Variants in KIF7 observed in about 807,000 individuals in gnomAD.
The protein encoded by KIF7 is kinesin family member 7, also known as kinesin-like protein KIF7.
A neutral mutation model predicts 135.7 loss-of-function variants in KIF7; 104 were observed. The observed-to-expected ratio is 0.77, with a 90% CI of 0.65 to 0.90. The LOEUF (loss-of-function observed/expected upper bound fraction) is 0.90, where lower values mean the gene tolerates loss of function less well. Ranked by LOEUF, KIF7 falls within the 40% of genes least tolerant of loss-of-function variation. KIF7 has a pLI of 0.00. For synonymous variants in KIF7, 883 were observed against 809.4 expected (o/e 1.09, Z -1.54); for missense variants, 2,005 against 1,839.1 (o/e 1.09, Z -1.65).
chr15:89,624,831 C>A (rs777741499), downstream of KIF7: 3 of 1,614,028 alleles, frequency 1.9e-6, no homozygotes, highest in Non-Finnish European at 2.5e-6. Flanking sequence ...CTGGGATTCC[C>A]CCATCTCCTC....
upstream of KIF7, among the ~76,000 whole-genome samples, chr15:89,656,618 G>C (rs1437794104): frequency 6.6e-6 from 1 of 152,130 alleles, no homozygotes; most frequent in Non-Finnish European, 1.5e-5. Context: ...CCACATCCTC[G>C]AAGCTTCATA....
intron 8 of KIF7, 148 bp downstream of exon 8, chr15:89,645,745 C>A (rs1964000567): frequency 1.7e-6 from 2 of 1,147,746 alleles, no homozygotes; most frequent in Non-Finnish European, 2.4e-6. Flanking sequence ...AGCTCTCCCC[C>A]AGGGGCTGGC....
intron 1 of KIF7, among the ~76,000 whole-genome samples, chr15:89,618,622 C>T (rs753958025): frequency 1.1e-4 from 17 of 152,202 alleles, no homozygotes; most frequent in Non-Finnish European, 1.8e-4. Context: ...GTGCCCCCAA[C>T]ACACAGTGCC....
chr15:89,647,208 G>A (rs1964030415), intron 6 of KIF7, 151 bp from the exon 7 acceptor site: 1 of 719,994 alleles, frequency 1.4e-6, no homozygotes, highest in South Asian at 1.6e-5. Context: ...CAACTCTGTA[G>A]GAGTTCAGAC....
At position 89,648,562 on chromosome 15, in the gene KIF7, C is replaced by G. The variant is rs1414086463; in HGVS notation, c.1136G>C (p.Arg379Pro). The change falls in exon 5 of 19, where the codon CGC becomes CCC. Residue 379 changes from arginine to proline, a missense_variant. Coordinates refer to ENST00000394412, the MANE Select transcript of KIF7 (RefSeq NM_198525.3). ...ASGARGPPRH[R>P]SETRIIHRGR... Reference sequence around the variant, plus strand: ...GCGGTGGATGATGCGGGTCTCGGAGCGGTGCCGTGGCGGACCCCGCGCGCC... The same window carrying G: ...GCGGTGGATGATGCGGGTCTCGGAGGGGTGCCGTGGCGGACCCCGCGCGCC... 1 of 1,447,926 alleles carries G rather than the reference C, an allele frequency of 6.9e-7. No individual in the cohort carries two copies. The highest frequency in any genetic ancestry group is 9.1e-7 in the Non-Finnish European group (1 of 1,101,120). 89.7% of individuals were successfully genotyped at this position (1,447,926 alleles called of 1,614,324 possible). A position where few individuals can be genotyped will look rare whatever the true frequency, so the allele number is the denominator to read the frequency against.
chr15:89,656,039 A>G (rs1964203324), upstream of KIF7, among the ~76,000 whole-genome samples: 1 of 152,178 alleles, frequency 6.6e-6, no homozygotes, highest in Non-Finnish European at 1.5e-5. Context: ...TGAATTTTAA[A>G]ATCTGAAAAC....
In KIF7 at chr15:89,631,558, C is replaced by T. The variant is rs9672286; in HGVS notation, c.3048G>A (p.Ser1016=). The T allele has an allele frequency of 0.56, 879,096 of 1,573,864 alleles. 248,856 individuals carry two copies. Among genetic ancestry groups the T allele is most frequent in the Non-Finnish European group, 0.58 (676,381 of 1,158,546 alleles). Reference sequence around the variant, plus strand: ...CGATCTCCAGGCGCTGCTTGAGCAGCGAGTCCTTCTCCTGGCGCAGGCTGT... The same window carrying T: ...CGATCTCCAGGCGCTGCTTGAGCAGTGAGTCCTTCTCCTGGCGCAGGCTGT... ...EIDSLRQEKD[S]LLKQRLEIDG... Residue 1016 remains serine (S), a synonymous_variant, in exon 15 of 19, where the codon TCG becomes TCA. Transcript: ENST00000394412.
Position 89,633,171 on chromosome 15 carries a change from G to A in KIF7, c.2688C>T (p.Asn896=), listed in dbSNP as rs779076505. 38 of 1,604,034 alleles carry A rather than the reference G, an allele frequency of 2.4e-5. No homozygotes were observed. The highest frequency in any genetic ancestry group is 1.6e-4 in the East Asian group (7 of 44,828). ...GCTGTTCCAGGCTGACCACAGAGCC[G>A]TTGCTGCCACTGCGCCTCTTCCTCT... ...AFQRKRRSGS[N]GSVVSLEQQQ... The change falls in exon 13 of 19, where the codon AAC becomes AAT. Residue 896 remains asparagine (N), a synonymous_variant. Transcript: ENST00000394412.
At chr15:89,655,495 ACCAGCCCCCCCCTCACC>A (rs1376997083), upstream of KIF7, 2 of 149,448 alleles carry the variant, frequency 1.3e-5, no homozygotes, top group Non-Finnish European at 3.0e-5. Flanking sequence ...CGCCCCCCAA[ACCAGCCCCCCCCTCACC>A]CGCAACTCCG....
intron 1 of KIF7, among the ~76,000 whole-genome samples, chr15:89,653,659 C>A (rs1964159743): frequency 6.6e-6 from 1 of 152,174 alleles, no homozygotes; most frequent in Non-Finnish European, 1.5e-5. Flanking sequence ...CTTACTGTAG[C>A]CAAGGCTTCC....
chr15:89,646,094 C>A, intron 7 of KIF7, 68 bp from the exon 8 acceptor site: 1 of 1,582,910 alleles, frequency 6.3e-7, no homozygotes. Context: ...TGCCTGCCCT[C>A]CTCATATCTC....
upstream of KIF7, among the ~76,000 whole-genome samples, chr15:89,657,328 A>AAAAAAAG (rs533315174): frequency 3.5e-4 from 45 of 127,934 alleles, no homozygotes; most frequent in African/African-American, 5.9e-4. Flanking sequence ...AAAAAAAAAA[A>AAAAAAAG]AGAGAGAGAG....
chr15:89,625,347 A>T (rs756401574), downstream of KIF7: 19 of 1,614,008 alleles, frequency 1.2e-5, no homozygotes, highest in Middle Eastern at 3.3e-4. Flanking sequence ...AGACAACTCC[A>T]GACATAATTA....
intron 11 of KIF7, among the ~76,000 whole-genome samples, chr15:89,636,202 C>T (rs1311888197): frequency 9.2e-5 from 14 of 151,844 alleles, no homozygotes; most frequent in East Asian, 3.9e-4. Context: ...AAGGAACAAC[C>T]GGTACCAGCC....
chr15:89,644,904 C>T (rs1248523806), intron 10 of KIF7, 109 bp downstream of exon 10: 64 of 1,444,036 alleles, frequency 4.4e-5, no homozygotes, highest in South Asian at 1.1e-4. Flanking sequence ...CTAGGCCATC[C>T]GGCCCCTGCT....
intron 15 of KIF7, 36 bp downstream of exon 15, chr15:89,631,459 G>C (rs1963673762): frequency 1.3e-6 from 2 of 1,516,576 alleles, no homozygotes. Flanking sequence ...GGCATACAAT[G>C]GCACCAAGGG....
chr15:89,622,668 TC>T (rs1473598909), intron 1 of KIF7, among the ~76,000 whole-genome samples: 1 of 152,180 alleles, frequency 6.6e-6, no homozygotes, highest in African/African-American at 2.4e-5. Context: ...GGCAGGGTCT[TC>T]CGTGGTCTGT....
intron 1 of KIF7, among the ~76,000 whole-genome samples, chr15:89,618,852 G>A (rs994340355): frequency 5.3e-5 from 8 of 152,186 alleles, no homozygotes; most frequent in East Asian, 1.9e-4. Context: ...CCAGCTACTC[G>A]GGAGGCTGAG....
At position 89,655,404 on chromosome 15, in the gene KIF7, T is replaced by G. The variant is rs532920875; in HGVS notation, c.-30A>C. 6.6e-6 allele frequency: 1 copy of G among 152,210 alleles called. No homozygotes were observed. Among genetic ancestry groups the G allele is most frequent in the Non-Finnish European group, 1.5e-5 (1 of 68,076 alleles). 9.4% of individuals were successfully genotyped at this position (152,210 alleles called of 1,614,324 possible). ...GCTCTCCGGCCCACACTCACCTGCC[T>G]GGCTGCAAGCGCCGTCCCGGGCCAG... On this transcript the variant is annotated 5_prime_UTR_variant, in exon 1 of 19. Transcript: ENST00000394412.
Sources: allele counts gnomAD v4.1 joint callset (sites outside exome capture counted in the v4.1 genomes callset), GRCh38; gene constraint gnomAD v4.1.1; transcripts MANE v1.5; gene names NCBI Gene and HGNC (gene_info 2026-07-23, HGNC 2026-07-21).